The following SLC49A3 variants were observed in gnomAD, a reference collection of about 807,000 sequenced individuals.
SLC49A3 encodes the protein solute carrier family 49 member 3.
Under a neutral mutation model 43.8 loss-of-function variants are expected in SLC49A3, and 50 were observed. The ratio of observed to expected loss-of-function variants is 1.14; its 90% confidence interval spans 0.91 to 1.45. The LOEUF (loss-of-function observed/expected upper bound fraction) is 1.45, where lower values mean the gene tolerates loss of function less well. Ranked by LOEUF, SLC49A3 falls within the 40% of genes most tolerant of loss-of-function variation. SLC49A3 has a pLI of 0.00. For synonymous variants in SLC49A3, 413 were observed against 352.0 expected (o/e 1.17, Z -1.94); for missense variants, 906 against 774.1 (o/e 1.17, Z -2.02).
At chr4:677,950 T>C (rs1318136426), downstream of SLC49A3, 13 of 1,612,356 alleles carry the variant, frequency 8.1e-6, no homozygotes, top group South Asian at 1.3e-4. Flanking sequence ...TGAACTGTCC[T>C]GGGGGACCAA....
downstream of SLC49A3, chr4:680,825 C>T: frequency 1.6e-6 from 1 of 629,764 alleles, no homozygotes; most frequent in African/African-American, 1.8e-5. Context: ...CCCACTCCTC[C>T]ATCTTCAGCT....
Position 682,044 on chromosome 4 carries a change from T to C in SLC49A3, c.1594A>G (p.Arg532Gly). 7.0e-7 allele frequency: 1 copy of C among 1,421,096 alleles called. No homozygotes were observed. Among genetic ancestry groups the C allele is most frequent in the Non-Finnish European group, 9.3e-7 (1 of 1,075,090 alleles). The allele number at this position is 1,421,096 out of a possible 1,614,324, so 88.0% of individuals were successfully genotyped here. A position where few individuals can be genotyped will look rare whatever the true frequency, so the allele number is the denominator to read the frequency against. The change falls in exon 10 of 10, where the codon AGA becomes GGA. Residue 532 changes from arginine to glycine, a missense_variant. Coordinates refer to ENST00000322224, the MANE Select transcript of SLC49A3 (RefSeq NM_032219.4). ...GACGCTTGGACCCTGCCTGCGAGTC[T>C]GCCGGGGCGGGAGGGCGCGTCGGTG... ...AATDAPSRPG[R>G]LAGRVQASRF... is the part of the protein sequence containing the mutation.
At chr4:690,948 T>C (rs1024623035), upstream of SLC49A3, among the ~76,000 whole-genome samples, 1 of 152,262 alleles carries the variant, frequency 6.6e-6, no homozygotes, top group Non-Finnish European at 1.5e-5. Context: ...TTAAATACTT[T>C]GGTATAAACT....
At chr4:677,789 G>C, downstream of SLC49A3, 1 of 639,460 alleles carries the variant, frequency 1.6e-6, no homozygotes. Context: ...AGGTAGTCCT[G>C]GCCAGAGGTA....
chr4:677,517 G>A (rs1738966604), downstream of SLC49A3, among the ~76,000 whole-genome samples: 1 of 152,224 alleles, frequency 6.6e-6, no homozygotes, highest in Admixed American at 6.5e-5. Context: ...CAGGGCCAAG[G>A]CTATGGACTG....
Position 684,842 on chromosome 4 carries a change from G to A in SLC49A3, c.600C>T (p.Thr200=). ...GCAGGCAGACGACGCCAGCAGGGAT[G>A]GTATAGACACCGAGCTGGGGAGGGG... ...EDIPLMLGVY[T]IPAGVVCLLS... is the part of the protein sequence containing the mutation. The change falls in exon 5 of 10, where the codon ACC becomes ACT. Residue 200 remains threonine, a synonymous_variant. Transcript: ENST00000322224. The A allele has an allele frequency of 1.2e-6, 2 of 1,612,178 alleles. No individual in the cohort carries two copies. Among genetic ancestry groups the A allele is most frequent in the Non-Finnish European group, 8.5e-7 (1 of 1,179,816 alleles).
In SLC49A3 at chr4:682,823, AG is replaced by A. The variant is rs766356260; in HGVS notation, c.1218del (p.Leu407CysfsTer19). 14 of 1,603,534 alleles carry A rather than the reference AG, an allele frequency of 8.7e-6. No homozygotes were observed. Among genetic ancestry groups the A allele is most frequent in the South Asian group, 1.1e-5 (1 of 89,856 alleles). ...TCCTCCCCCTGCTGGCAGGTGGACA[AG>A]GACGGCTCCGAGCGTCGCACAGTCA... ...TALTVRRSEPSLSTCQQGEDP... is the reference protein window; with the variant it reads ...TALTVRRSEPXLSTCQQGEDP... On this transcript the variant is annotated frameshift_variant, in exon 9 of 10. Transcript: ENST00000322224. LOFTEE classifies it low-confidence loss of function (END_TRUNC).
chr4:685,687 C>T lies in SLC49A3; in HGVS notation c.585+148G>A. On this transcript the variant is annotated intron_variant, in intron 4 of 9. Transcript: ENST00000322224. This position sits in a 1 kb window ranked among gnomAD's most constrained non-coding sequence, Gnocchi z 4.3. ...CGCCACTGCAATTCAGCCTGAGCGA[C>T]AGGCTGAGACTCCTTCTCGGGTGGC... is the stretch of plus-strand genomic sequence containing the variant. The T allele has an allele frequency of 1.3e-6, 1 of 797,620 alleles. No individual in the cohort carries two copies. The highest frequency in any genetic ancestry group is 2.0e-6 in the Non-Finnish European group (1 of 491,716). 49.4% of individuals were successfully genotyped at this position (797,620 alleles called of 1,614,324 possible). A position where few individuals can be genotyped will look rare whatever the true frequency, so the allele number is the denominator to read the frequency against.
chr4:678,059 A>C (rs773335223), downstream of SLC49A3: 1 of 1,612,552 alleles, frequency 6.2e-7, no homozygotes, highest in Non-Finnish European at 8.5e-7. Flanking sequence ...TGCCTGGGGC[A>C]GGCGTGTGGG....
At chr4:684,011 G>T (rs1324326874) in intron 6 of SLC49A3, among the ~76,000 whole-genome samples, 1 of 152,232 alleles carries the variant, frequency 6.6e-6, no homozygotes, top group East Asian at 1.9e-4. Context: ...CAGGGCCGTG[G>T]TGCCTGTGGC....
chr4:687,943 G>A (rs936763922), intron 1 of SLC49A3: 1 of 152,182 alleles, frequency 6.6e-6, no homozygotes, highest in African/African-American at 2.4e-5. Flanking sequence ...AGACCATGAC[G>A]ACTCTTGGTG....
At chr4:684,655 G>A (rs969054686) in intron 5 of SLC49A3, 56 bp from the exon 6 acceptor site, 19 of 1,607,812 alleles carry the variant, frequency 1.2e-5, no homozygotes, top group East Asian at 6.7e-5. Context: ...CAAACCCATC[G>A]CCTCCTCAGC....
chr4:689,462 T>A (rs1395608737), upstream of SLC49A3: 2 of 196,744 alleles, frequency 1.0e-5, no homozygotes, highest in Non-Finnish European at 2.0e-5. Flanking sequence ...GGCCTGGAAG[T>A]CACTCTGCCC....
rs1334210172 is a variant in SLC49A3, at chr4:685,438, G to A, written c.585+397C>T. 2.0e-5 allele frequency among the ~76,000 whole-genome samples: 3 copies of A among 151,836 alleles called. No homozygotes were observed. Among genetic ancestry groups the A allele is most frequent in the Non-Finnish European group, 4.4e-5 (3 of 67,972 alleles). ...ACACTGGCCGGGCGCGGTGGCTCAC[G>A]CCTGTCATCCTAGCACTTTGGGAAG... On this transcript the variant is annotated intron_variant, in intron 4 of 9. Transcript: ENST00000322224. The surrounding 1 kb of genome is among the most constrained non-coding windows in gnomAD (Gnocchi z 4.3).
At chr4:680,952 G>T, downstream of SLC49A3, 1 of 965,678 alleles carries the variant, frequency 1.0e-6, no homozygotes. Flanking sequence ...GAAGGGACCT[G>T]CCCCAGGGCC....
downstream of SLC49A3, chr4:680,162 C>T (rs1739308402): frequency 2.5e-6 from 2 of 791,532 alleles, no homozygotes; most frequent in East Asian, 5.5e-5. Flanking sequence ...CTGTGGGGCC[C>T]CGTCAGCCAC....
At chr4:681,525 C>T (rs1016769123), downstream of SLC49A3, among the ~76,000 whole-genome samples, 2 of 150,464 alleles carry the variant, frequency 1.3e-5, no homozygotes, top group Non-Finnish European at 3.0e-5. Flanking sequence ...CCCCCAGACC[C>T]CACACGGTCC....
chr4:681,666 C>T (rs1266195443), downstream of SLC49A3, among the ~76,000 whole-genome samples: 16 of 43,690 alleles, frequency 3.7e-4, no homozygotes, highest in African/African-American at 1.3e-3. Context: ...CGCCGCCCCG[C>T]CCCCTCCAGC....
downstream of SLC49A3, chr4:678,268 A>T: frequency 6.8e-7 from 1 of 1,463,362 alleles, no homozygotes. Context: ...TCTCCTGGTG[A>T]GAGTCCGGAG....
Sources: gnomAD v4.1 joint callset for allele counts (sites outside exome capture counted in the v4.1 genomes callset) on GRCh38, gnomAD v4.1.1 for gene constraint, Gnocchi (gnomAD v3.1) non-coding constraint, MANE v1.5 for transcripts, NCBI Gene and HGNC (gene_info 2026-07-23, HGNC 2026-07-21) for gene names.